Variants in ZFYVE9 observed in about 807,000 individuals in gnomAD.
ZFYVE9 encodes the protein zinc finger FYVE domain-containing protein 9.
Under a neutral mutation model 126.7 loss-of-function variants are expected in ZFYVE9, and 43 were observed. That is an observed-to-expected ratio of 0.34 (90% CI 0.27 to 0.44). The LOEUF (loss-of-function observed/expected upper bound fraction) is 0.44. Ranked by LOEUF, ZFYVE9 falls within the 20% of genes least tolerant of loss-of-function variation. The pLI, the probability that ZFYVE9 is intolerant of heterozygous loss-of-function variation, is 1.00. For synonymous variants in ZFYVE9, 521 were observed against 597.4 expected, an observed-to-expected ratio of 0.87 and a Z score of 1.87; for missense variants, 1,476 against 1,697.0, an observed-to-expected ratio of 0.87 and a Z score of 2.29.
chr1:52,197,412 A>C (rs920196742), intron 1 of ZFYVE9, among the ~76,000 whole-genome samples: 2 of 152,192 alleles, frequency 1.3e-5, no homozygotes, highest in Non-Finnish European at 2.9e-5. Flanking sequence ...CCCAGAAAAG[A>C]GGTCACTCTT....
chr1:52,247,536 G>A (rs923648884), intron 4 of ZFYVE9, among the ~76,000 whole-genome samples: 1 of 151,834 alleles, frequency 6.6e-6, no homozygotes, highest in African/African-American at 2.4e-5. Context: ...TCGCTTCGTT[G>A]CCCAGGCTGG....
intron 1 of ZFYVE9, among the ~76,000 whole-genome samples, chr1:52,180,757 C>T (rs1418611878): frequency 1.3e-5 from 2 of 152,036 alleles, no homozygotes; most frequent in Non-Finnish European, 2.9e-5. Flanking sequence ...AGGCAGATCA[C>T]CTGAAGTTGG....
intron 1 of ZFYVE9, among the ~76,000 whole-genome samples, chr1:52,177,928 T>G (rs924556418): frequency 2.0e-5 from 3 of 151,242 alleles, no homozygotes; most frequent in African/African-American, 7.3e-5. Flanking sequence ...CTTCATATAC[T>G]ATGAAAAGTA....
chr1:52,202,346 C>A (rs992235155), intron 1 of ZFYVE9, among the ~76,000 whole-genome samples: 3 of 152,038 alleles, frequency 2.0e-5, no homozygotes, highest in African/African-American at 7.3e-5. Flanking sequence ...GTGGCCTGAT[C>A]TCGGTTAACC....
chr1:52,298,953 T>G (rs1255758725), intron 12 of ZFYVE9, among the ~76,000 whole-genome samples: 1 of 151,722 alleles, frequency 6.6e-6, no homozygotes, highest in East Asian at 1.9e-4. Flanking sequence ...GGACTACAGG[T>G]GCCCGCCACC....
rs754016259 is a variant in ZFYVE9, at chr1:52,237,572, C to T, written c.155C>T (p.Thr52Ile). 1.2e-6 allele frequency: 2 copies of T among 1,614,034 alleles called. No individual in the cohort carries two copies. Among genetic ancestry groups the T allele is most frequent in the Non-Finnish European group, 1.7e-6 (2 of 1,179,920 alleles). ...PPSHRLSFNP[T>I]LASVNESAVS... ...TCTCACCGGCTGTCATTTAACCCTACTTTGGCCAGTGTGAATGAATCTGCA... is the reference window on the plus strand; with the variant it reads ...TCTCACCGGCTGTCATTTAACCCTATTTTGGCCAGTGTGAATGAATCTGCA... Residue 52 changes from threonine (T) to isoleucine (I), a missense_variant, in exon 4 of 19, where the codon ACT becomes ATT. Coordinates refer to ENST00000287727, the MANE Select transcript of ZFYVE9 (RefSeq NM_004799.4).
intron 4 of ZFYVE9, among the ~76,000 whole-genome samples, chr1:52,253,317 A>G (rs1645470556): frequency 6.6e-6 from 1 of 152,208 alleles, no homozygotes; most frequent in Admixed American, 6.6e-5. Flanking sequence ...TCACATTTTC[A>G]ATATATAAAT....
intron 1 of ZFYVE9, among the ~76,000 whole-genome samples, chr1:52,200,143 CTT>C (rs1644910114): frequency 6.6e-6 from 1 of 151,514 alleles, no homozygotes; most frequent in Non-Finnish European, 1.5e-5. Context: ...TTTTCATCCT[CTT>C]AACAGTGTCA....
intron 17 of ZFYVE9, among the ~76,000 whole-genome samples, chr1:52,343,450 A>C (rs560708963): frequency 6.6e-6 from 1 of 151,488 alleles, no homozygotes; most frequent in Non-Finnish European, 1.5e-5. Context: ...CATCTCAAAA[A>C]AAAAGAAAAA....
At chr1:52,291,885 C>CAA (rs1171027696) in intron 10 of ZFYVE9, among the ~76,000 whole-genome samples, 1,024 of 57,252 alleles carry the variant, frequency 0.018, 37 homozygotes, top group African/African-American at 0.045. Context: ...GACTCTGTCT[C>CAA]AAAAAAAAAA....
chr1:52,333,303 A>T (rs986598327), intron 14 of ZFYVE9, among the ~76,000 whole-genome samples: 3 of 152,028 alleles, frequency 2.0e-5, no homozygotes, highest in African/African-American at 7.3e-5. Flanking sequence ...AAAAAAAAAA[A>T]AAATATGCCC....
intron 2 of ZFYVE9, among the ~76,000 whole-genome samples, chr1:52,217,366 T>G (rs144484269): frequency 0.054 from 8,201 of 152,282 alleles, 239 homozygotes; most frequent in South Asian, 0.075. Flanking sequence ...TTACAACTTA[T>G]GACCAGGAAG....
chr1:52,317,628 CAAT>C (rs1042142585), intron 13 of ZFYVE9, among the ~76,000 whole-genome samples: 5 of 151,306 alleles, frequency 3.3e-5, no homozygotes, highest in African/African-American at 4.9e-5. Context: ...AAGACAAAAA[CAAT>C]AAAGAAAATT....
At chr1:52,191,991 C>T (rs986374765) in intron 1 of ZFYVE9, among the ~76,000 whole-genome samples, 6 of 150,224 alleles carry the variant, frequency 4.0e-5, no homozygotes, top group Non-Finnish European at 7.4e-5. Flanking sequence ...ATGGTCTTAA[C>T]AGCATCTAGA....
intron 11 of ZFYVE9, among the ~76,000 whole-genome samples, chr1:52,293,936 A>T (rs1645949379): frequency 6.6e-6 from 1 of 152,218 alleles, no homozygotes; most frequent in African/African-American, 2.4e-5. Context: ...TAGAAAAGTG[A>T]ATTTGAACTT....
At chr1:52,148,855 C>T (rs554706463) in intron 1 of ZFYVE9, among the ~76,000 whole-genome samples, 7 of 149,570 alleles carry the variant, frequency 4.7e-5, no homozygotes, top group Non-Finnish European at 7.4e-5. Flanking sequence ...TTGGCCAGGC[C>T]GGTCTCAAAC....
chr1:52,278,557 G>T lies in ZFYVE9; in HGVS notation c.2812G>T (p.Asp938Tyr). ...VMQQLEDGGP[D>Y]PLVFVLNANL... ...GCAGCAGTTGGAGGATGGTGGCCCT[G>T]ACCCACTTGTATTTGTTTTAAATGC... The change falls in exon 9 of 19, where the codon GAC (aspartate) becomes TAC (tyrosine). Residue 938 changes from aspartate to tyrosine, a missense_variant. By Grantham distance (160) the Asp-to-Tyr change is radical. Coordinates refer to ENST00000287727, the MANE Select transcript of ZFYVE9 (RefSeq NM_004799.4). 1 of 1,610,140 alleles carries T rather than the reference G, an allele frequency of 6.2e-7. No individual in the cohort carries two copies. The highest frequency in any genetic ancestry group is 8.5e-7 in the Non-Finnish European group (1 of 1,177,978).
At chr1:52,160,580 A>G (rs978523083) in intron 1 of ZFYVE9, 30 of 736,316 alleles carry the variant, frequency 4.1e-5, no homozygotes, top group Admixed American at 1.3e-4. Context: ...CACATTACCA[A>G]TACATTCAAA....
chr1:52,262,322 T>G (rs944643492), intron 4 of ZFYVE9, among the ~76,000 whole-genome samples: 5 of 152,244 alleles, frequency 3.3e-5, no homozygotes, highest in African/African-American at 1.2e-4. Context: ...TCTGTTTACC[T>G]AACTGCTAAT....
Sources: allele counts gnomAD v4.1 joint callset (sites outside exome capture counted in the v4.1 genomes callset), GRCh38; gene constraint gnomAD v4.1.1; transcripts MANE v1.5; gene names NCBI Gene and HGNC (gene_info 2026-07-23, HGNC 2026-07-21).